ADAMTS3: variants seen among roughly 807,000 people sequenced by gnomAD.
ADAMTS3 encodes the protein ADAM metallopeptidase with thrombospondin type 1 motif 3, also known as A disintegrin and metalloproteinase with thrombospondin motifs 3.
In ADAMTS3, 73 loss-of-function variants were observed where a neutral mutation model predicts 129.0. That is an observed-to-expected ratio of 0.57 (90% CI 0.47 to 0.69). The LOEUF (loss-of-function observed/expected upper bound fraction) is 0.69. Among genes scored for constraint, ADAMTS3 ranks in the 30% least tolerant of loss-of-function variants. The pLI is 0.00. For missense variants in ADAMTS3, 1,457 were observed against 1,514.5 expected, an observed-to-expected ratio of 0.96 and a Z score of 0.63; for synonymous variants, 477 against 510.8, an observed-to-expected ratio of 0.93 and a Z score of 0.89.
chr4:72,432,790 C>A (rs1434962931), intron 3 of ADAMTS3, among the ~76,000 whole-genome samples: 1 of 151,780 alleles, frequency 6.6e-6, no homozygotes, highest in East Asian at 1.9e-4. Flanking sequence ...CATTTTTTTA[C>A]ATAATCAGTA....
At chr4:72,545,882 C>A (rs769368410) in intron 3 of ADAMTS3, among the ~76,000 whole-genome samples, 1 of 152,138 alleles carries the variant, frequency 6.6e-6, no homozygotes, top group South Asian at 2.1e-4. Flanking sequence ...AAACTTATGC[C>A]TATTTTTAGT....
intron 3 of ADAMTS3, among the ~76,000 whole-genome samples, chr4:72,529,907 AAT>A (rs1401999442): frequency 1.7e-5 from 1 of 58,410 alleles, no homozygotes; most frequent in Non-Finnish European, 2.9e-5. Context: ...ATATATAAAT[AAT>A]ATATATTATA....
At position 72,323,105 on chromosome 4, in the gene ADAMTS3, CA is replaced by C. The variant is rs1560472628; in HGVS notation, c.862-9del. The C allele has an allele frequency of 1.9e-6, 3 of 1,605,664 alleles. No homozygotes were observed. The highest frequency in any genetic ancestry group is 2.6e-6 in the Non-Finnish European group (3 of 1,173,596). On this transcript the variant is annotated splice_polypyrimidine_tract_variant and intron_variant, in intron 5 of 21. Coordinates refer to ENST00000286657, the MANE Select transcript of ADAMTS3 (RefSeq NM_014243.3). ...ATGGTAAATTTCATTCACCTAGCAA[CA>C]AAAAAAGATAATTGCTAAAAGAAAG...
chr4:72,440,127 TAA>T (rs966822529), intron 3 of ADAMTS3, among the ~76,000 whole-genome samples: 2 of 151,714 alleles, frequency 1.3e-5, no homozygotes, highest in African/African-American at 4.8e-5. Context: ...TGTTACTGCC[TAA>T]AAAAATGGTG....
At chr4:72,359,406 A>G (rs1203744548) in intron 4 of ADAMTS3, among the ~76,000 whole-genome samples, 1 of 152,080 alleles carries the variant, frequency 6.6e-6, no homozygotes, top group Non-Finnish European at 1.5e-5. Flanking sequence ...TATAGTGTAT[A>G]GTAATTCAGA....
intron 4 of ADAMTS3, among the ~76,000 whole-genome samples, chr4:72,353,038 C>T (rs921433889): frequency 2.0e-5 from 3 of 152,094 alleles, no homozygotes; most frequent in Non-Finnish European, 4.4e-5. Flanking sequence ...TTCATTCTCA[C>T]GTGTCCTAGT....
chr4:72,333,505 T>A (rs1719903671), intron 5 of ADAMTS3, among the ~76,000 whole-genome samples: 1 of 152,210 alleles, frequency 6.6e-6, no homozygotes, highest in Admixed American at 6.5e-5. Context: ...GCCTAGACAT[T>A]TATACCCACT....
At chr4:72,540,404 C>T (rs1043790978) in intron 3 of ADAMTS3, among the ~76,000 whole-genome samples, 21 of 152,150 alleles carry the variant, frequency 1.4e-4, no homozygotes, top group Non-Finnish European at 1.9e-4. Context: ...ATAAGGTAAG[C>T]AGAGCATAGA....
chr4:72,561,143 G>C (rs1052213641), intron 2 of ADAMTS3, among the ~76,000 whole-genome samples: 21 of 152,086 alleles, frequency 1.4e-4, no homozygotes, highest in Admixed American at 6.6e-4. Flanking sequence ...ACAAGGTCAG[G>C]AGTTCAGGAC....
chr4:72,434,080 T>A (rs913530168), intron 3 of ADAMTS3, among the ~76,000 whole-genome samples: 1 of 151,782 alleles, frequency 6.6e-6, no homozygotes, highest in Non-Finnish European at 1.5e-5. Flanking sequence ...GAGTACATTC[T>A]GTTCTTTAGA....
rs1055239117 is a variant in ADAMTS3 at position 72,470,408 on chromosome 4, T to C, written c.505-55437A>G. On this transcript the variant is annotated intron_variant, in intron 3 of 21. Coordinates refer to ENST00000286657, the MANE Select transcript of ADAMTS3 (RefSeq NM_014243.3). ...ACACACACACACACACACACACACA[T>C]TTCATATACATAATATATACATCTC... 4.8e-5 allele frequency among the ~76,000 whole-genome samples: 7 copies of C among 144,776 alleles called. No individual in the cohort carries two copies. The East Asian group carries it at 7.9e-4, about 16-fold the overall frequency. 95.0% of individuals were successfully genotyped at this position (144,776 alleles called of 152,430 possible).
intron 3 of ADAMTS3, among the ~76,000 whole-genome samples, chr4:72,428,329 T>C (rs928742858): frequency 2.6e-5 from 4 of 152,108 alleles, no homozygotes; most frequent in African/African-American, 9.7e-5. Flanking sequence ...GAGTATAAAT[T>C]GTTGCTTACT....
rs190431662 is a variant in ADAMTS3 at position 72,392,562 on chromosome 4, A to G, written c.661+22253T>C. ...CCTGACCCTAAATTGCACTGGGGTA[A>G]GATGCTAGCTAGGTTTAAGGCACAC... is the stretch of plus-strand genomic sequence containing the variant. On this transcript the variant is annotated intron_variant, in intron 4 of 21. Transcript: ENST00000286657. Among the ~76,000 whole-genome samples the G allele has an allele frequency of 2.6e-5, 4 of 152,300 alleles. No individual in the cohort carries two copies. The East Asian group carries it at 7.7e-4, about 29-fold the overall frequency.
intron 3 of ADAMTS3, among the ~76,000 whole-genome samples, chr4:72,525,977 G>A (rs1720796302): frequency 6.6e-6 from 1 of 152,152 alleles, no homozygotes; most frequent in South Asian, 2.1e-4. Flanking sequence ...GGGGTAGAGA[G>A]GGGCCAATGA....
intron 5 of ADAMTS3, among the ~76,000 whole-genome samples, chr4:72,325,631 T>A (rs1719679496): frequency 6.6e-6 from 1 of 152,052 alleles, no homozygotes; most frequent in South Asian, 2.1e-4. Context: ...TAAAACTAGA[T>A]AACAATAAAA....
Position 72,281,552 on chromosome 4 carries a change from T to G in ADAMTS3, c.*1584A>C. On this transcript the variant is annotated 3_prime_UTR_variant, in exon 22 of 22. Coordinates refer to ENST00000286657, the MANE Select transcript of ADAMTS3 (RefSeq NM_014243.3). Reference sequence around the variant, plus strand: ...TTAAAAATGTTTCTAATTCACAATTTCATTGAACAGCTAGCTGAGTCCATA... The same window carrying G: ...TTAAAAATGTTTCTAATTCACAATTGCATTGAACAGCTAGCTGAGTCCATA... The G allele has an allele frequency of 6.6e-6, 1 of 152,226 alleles. No individual in the cohort carries two copies. Among genetic ancestry groups the G allele is most frequent in the East Asian group, 1.9e-4 (1 of 5,186 alleles). The allele number at this position is 152,226 out of a possible 1,614,324, so 9.4% of individuals were successfully genotyped here.
Position 72,313,686 on chromosome 4 carries a change from T to G in ADAMTS3, c.1736A>C (p.Asn579Thr). The change falls in exon 12 of 22, where the codon AAT (asparagine) becomes ACT (threonine). Residue 579 changes from asparagine to threonine, a missense_variant. Transcript: ENST00000286657. ...TGVRFRTRQC[N>T]NPMPINGGQD... ...ACAAGGATATACTCACATGGGATTA[T>G]TGCACTGGCGTGTTCTGAAACGAAC... The G allele has an allele frequency of 1.2e-6, 2 of 1,613,566 alleles. No homozygotes were observed. Among genetic ancestry groups the G allele is most frequent in the African/African-American group, 2.7e-5 (2 of 75,032 alleles).
In ADAMTS3 at chr4:72,454,481, C is replaced by T. The variant is rs78491279; in HGVS notation, c.505-39510G>A. On this transcript the variant is annotated intron_variant, in intron 3 of 21. Transcript: ENST00000286657. ...TGGCTTTGAGTCTGAATAGAAAGCCCGACAAGTTCAGTTTTCTCATTTACA... is the reference window on the plus strand; with the variant it reads ...TGGCTTTGAGTCTGAATAGAAAGCCTGACAAGTTCAGTTTTCTCATTTACA... 5.4e-3 allele frequency among the ~76,000 whole-genome samples: 814 copies of T among 151,644 alleles called. 5 individuals are homozygous for T. Among genetic ancestry groups the T allele is most frequent in the African/African-American group, 0.019 (785 of 41,438 alleles).
chr4:72,337,477 AC>A (rs1206889391), intron 5 of ADAMTS3, among the ~76,000 whole-genome samples: 2 of 151,626 alleles, frequency 1.3e-5, no homozygotes, highest in African/African-American at 4.8e-5. Flanking sequence ...AAACAAAAAA[AC>A]AACAGGAAAT....
Sources: gnomAD v4.1 joint callset for allele counts (sites outside exome capture counted in the v4.1 genomes callset) on GRCh38, gnomAD v4.1.1 for gene constraint, MANE v1.5 for transcripts, NCBI Gene and HGNC (gene_info 2026-07-23, HGNC 2026-07-21) for gene names.